The following TRIP12 variants were observed in gnomAD, a reference collection of about 807,000 sequenced individuals.
The protein encoded by TRIP12 is E3 ubiquitin-protein ligase TRIP12.
In TRIP12, 25 loss-of-function variants were observed where a neutral mutation model predicts 244.2. The ratio of observed to expected loss-of-function variants is 0.10; its 90% CI spans 0.07 to 0.14. TRIP12 has a LOEUF of 0.14. TRIP12 is among the 10% of genes least tolerant of loss of function. TRIP12 has a pLI of 1.00. For missense variants in TRIP12, 1,677 were observed against 2,486.4 expected, an observed-to-expected ratio of 0.67 and a Z score of 6.92; for synonymous variants, 905 against 873.1, an observed-to-expected ratio of 1.04 and a Z score of -0.64.
intron 4 of TRIP12, among the ~76,000 whole-genome samples, chr2:229,846,611 C>T (rs111568115): frequency 1.3e-3 from 199 of 152,026 alleles, no homozygotes; most frequent in African/African-American, 4.7e-3. Context: ...GAACTGAGTG[C>T]ATTAACATCT....
At chr2:229,790,976 T>G (rs1017947861) in intron 30 of TRIP12, 148 bp downstream of exon 30, 157 of 1,018,394 alleles carry the variant, frequency 1.5e-4, no homozygotes, top group Non-Finnish European at 2.2e-4. Context: ...AGTTGAGGAT[T>G]AAATGTGATC....
chr2:229,831,577 GC>G (rs1270647945), intron 6 of TRIP12, among the ~76,000 whole-genome samples: 2 of 152,334 alleles, frequency 1.3e-5, no homozygotes, highest in African/African-American at 4.8e-5. Flanking sequence ...GCTGCAGTGT[GC>G]CGTGATCGTG....
chr2:229,886,970 T>A (rs566159061), intron 1 of TRIP12, among the ~76,000 whole-genome samples: 1 of 152,118 alleles, frequency 6.6e-6, no homozygotes, highest in Non-Finnish European at 1.5e-5. Context: ...AAAGAAATCA[T>A]GACACACAGT....
intron 26 of TRIP12, 87 bp downstream of exon 26, chr2:229,795,092 A>G: frequency 6.7e-7 from 1 of 1,484,714 alleles, no homozygotes; most frequent in African/African-American, 1.4e-5. Flanking sequence ...GCCAATCAAG[A>G]CTTTACCAGA....
At chr2:229,851,285 G>A (rs573065415) in intron 4 of TRIP12, among the ~76,000 whole-genome samples, 4 of 152,278 alleles carry the variant, frequency 2.6e-5, no homozygotes, top group Non-Finnish European at 5.9e-5. Flanking sequence ...CGCACCCTGT[G>A]TCTAGCTCAG....
At chr2:229,922,065 A>ACCCTCGGGGAACTACTTTG (rs2076699092), upstream of TRIP12, 1 of 152,254 alleles carries the variant, frequency 6.6e-6, no homozygotes, top group Non-Finnish European at 1.4e-5. Context: ...CTGCTCTGAC[A>ACCCTCGGGGAACTACTTTG]CCCTCGGGGA....
At chr2:229,769,418 C>G in intron 39 of TRIP12, 93 bp from the exon 40 acceptor site, 1 of 1,038,922 alleles carries the variant, frequency 9.6e-7, no homozygotes, top group Non-Finnish European at 1.4e-6. Flanking sequence ...AAAAGAGTAT[C>G]AGTCTCAGTA....
chr2:229,898,749 T>C (rs1194876190), intron 1 of TRIP12, among the ~76,000 whole-genome samples: 1 of 152,198 alleles, frequency 6.6e-6, no homozygotes, highest in Non-Finnish European at 1.5e-5. Flanking sequence ...TGGAGTGCAG[T>C]AGCACAATCA....
At chr2:229,832,922 T>C (rs1313568025) in intron 6 of TRIP12, among the ~76,000 whole-genome samples, 1 of 152,186 alleles carries the variant, frequency 6.6e-6, no homozygotes, top group Non-Finnish European at 1.5e-5. Flanking sequence ...AGGAAGCAAA[T>C]ACCGAGTTTT....
intron 1 of TRIP12, among the ~76,000 whole-genome samples, chr2:229,920,615 T>C (rs971472254): frequency 5.3e-5 from 8 of 151,994 alleles, no homozygotes; most frequent in Non-Finnish European, 4.4e-5. Context: ...AAACACAACA[T>C]TTGTCTTAAG....
intron 38 of TRIP12, chr2:229,773,852 G>A (rs1444534537): frequency 1.2e-5 from 4 of 332,334 alleles, no homozygotes; most frequent in Admixed American, 4.4e-5. Context: ...CTAAGAAAAC[G>A]TGGTGTAATT....
intron 1 of TRIP12, among the ~76,000 whole-genome samples, chr2:229,902,369 G>A (rs536294974): frequency 6.6e-6 from 1 of 151,962 alleles, no homozygotes; most frequent in East Asian, 1.9e-4. Context: ...AATGCAGCGA[G>A]ACTTCGTCCT....
chr2:229,804,494 C>T (rs550013593), intron 18 of TRIP12, among the ~76,000 whole-genome samples: 25 of 152,308 alleles, frequency 1.6e-4, no homozygotes, highest in Non-Finnish European at 3.2e-4. Flanking sequence ...CGCACTGTAC[C>T]TCTTTATTTT....
At chr2:229,776,400 C>G (rs2036265862) in intron 37 of TRIP12, among the ~76,000 whole-genome samples, 1 of 152,092 alleles carries the variant, frequency 6.6e-6, no homozygotes, top group Non-Finnish European at 1.5e-5. Context: ...AAATTCTGTA[C>G]AGAAAAGGTG....
rs531941853 is a variant in TRIP12, at chr2:229,787,896, G to A, written c.4839-235C>T. Among the ~76,000 whole-genome samples the A allele has an allele frequency of 3.3e-5, 5 of 152,160 alleles. No homozygotes were observed. In the South Asian group the frequency reaches 6.2e-4, roughly 19 times the overall value. Reference sequence around the variant, plus strand: ...AGGCACACTGCAACCGCCACCTCCCGGGCTCTTGCAATTCTCCTGCCTCAG... The same window carrying A: ...AGGCACACTGCAACCGCCACCTCCCAGGCTCTTGCAATTCTCCTGCCTCAG... On this transcript the variant is annotated intron_variant, in intron 32 of 41. Coordinates refer to ENST00000675903, the MANE Select transcript of TRIP12 (RefSeq NM_001348323.3).
At chr2:229,854,329 C>T (rs1277912953) in intron 4 of TRIP12, among the ~76,000 whole-genome samples, 1 of 152,198 alleles carries the variant, frequency 6.6e-6, no homozygotes, top group Non-Finnish European at 1.5e-5. Flanking sequence ...TGTTCCAAAT[C>T]TAATAGCTAC....
chr2:229,873,155 T>C (rs578182691), intron 2 of TRIP12, among the ~76,000 whole-genome samples: 2 of 152,308 alleles, frequency 1.3e-5, no homozygotes, highest in South Asian at 4.1e-4. Flanking sequence ...TTTTCTTCTT[T>C]ATCAAATTAG....
At chr2:229,851,515 G>T (rs2058695229) in intron 4 of TRIP12, among the ~76,000 whole-genome samples, 1 of 152,144 alleles carries the variant, frequency 6.6e-6, no homozygotes, top group South Asian at 2.1e-4. Context: ...GAGAATAAAA[G>T]CAGGCTGCCC....
chr2:229,867,021 T>G (rs2061608115), intron 2 of TRIP12, among the ~76,000 whole-genome samples: 2 of 151,274 alleles, frequency 1.3e-5, no homozygotes, highest in Admixed American at 6.6e-5. Flanking sequence ...AATTCATTCA[T>G]GTAACCAAAA....
Sources: gnomAD v4.1 joint callset for allele counts (sites outside exome capture counted in the v4.1 genomes callset) on GRCh38, gnomAD v4.1.1 for gene constraint, MANE v1.5 for transcripts, NCBI Gene and HGNC (gene_info 2026-07-23, HGNC 2026-07-21) for gene names.